MAST3: variants seen among roughly 807,000 people sequenced by gnomAD.
The protein encoded by MAST3 is microtubule-associated serine/threonine-protein kinase 3.
Under a neutral mutation model 127.0 loss-of-function variants are expected in MAST3, and 43 were observed. The observed-to-expected ratio is 0.34, with a 90% CI of 0.27 to 0.44. The LOEUF (loss-of-function observed/expected upper bound fraction) is 0.44. Among genes scored for constraint, MAST3 ranks in the 20% least tolerant of loss-of-function variants. The pLI is 1.00. For missense variants in MAST3, 1,390 were observed against 1,919.1 expected, an observed-to-expected ratio of 0.72 and a Z score of 5.15; for synonymous variants, 785 against 809.2, an observed-to-expected ratio of 0.97 and a Z score of 0.51.
intron 11 of MAST3, among the ~76,000 whole-genome samples, chr19:18,127,931 T>A (rs894558480): frequency 6.6e-6 from 1 of 152,162 alleles, no homozygotes; most frequent in Non-Finnish European, 1.5e-5. Context: ...CAGATAAGGC[T>A]GAGCAGGGAA....
intron 1 of MAST3, among the ~76,000 whole-genome samples, chr19:18,100,860 A>C (rs1319823067): frequency 6.6e-6 from 1 of 152,236 alleles, no homozygotes; most frequent in African/African-American, 2.4e-5. Flanking sequence ...CAAAGGCCAA[A>C]GAGTCCATTC....
chr19:18,139,333 T>G (rs1195892010), intron 20 of MAST3, among the ~76,000 whole-genome samples: 1 of 151,270 alleles, frequency 6.6e-6, no homozygotes, highest in Non-Finnish European at 1.5e-5. Context: ...TTTTTTGTTT[T>G]GTTTTGTTTG....
intron 11 of MAST3, 138 bp downstream of exon 11, chr19:18,124,912 C>T (rs2009030): frequency 0.51 from 528,989 of 1,033,706 alleles, 140,173 homozygotes; most frequent in East Asian, 0.66. Context: ...TCGAGACCAG[C>T]CTGGCCAACA....
chr19:18,107,429 C>T (rs970111140), intron 1 of MAST3, among the ~76,000 whole-genome samples, 158 bp from the exon 2 acceptor site: 2 of 151,896 alleles, frequency 1.3e-5, no homozygotes, highest in African/African-American at 4.8e-5. Context: ...GCACAGATAG[C>T]GCAAAGGCCT....
chr19:18,104,101 A>T (rs2037861884), intron 1 of MAST3, among the ~76,000 whole-genome samples: 2 of 142,410 alleles, frequency 1.4e-5, no homozygotes, highest in South Asian at 4.6e-4. Flanking sequence ...AATCCCAGCT[A>T]CTCTGGAGGC....
In MAST3 at chr19:18,123,818, C is replaced by G. The variant is rs184002383; in HGVS notation, c.634-121C>G. 3 of 1,075,760 alleles carry G rather than the reference C, an allele frequency of 2.8e-6. No homozygotes were observed. In the East Asian group the frequency reaches 7.8e-5, roughly 28 times the overall value. 66.6% of individuals were successfully genotyped at this position (1,075,760 alleles called of 1,614,324 possible). On this transcript the variant is annotated intron_variant, in intron 8 of 27. Transcript: ENST00000687212. ...ATGTCGTTCCTCCTGCACCAGCCCT[C>G]CCACCCGATCGCCCCATTGCCCCAT...
At chr19:18,128,068 G>T (rs1390681585) in intron 11 of MAST3, among the ~76,000 whole-genome samples, 2 of 152,126 alleles carry the variant, frequency 1.3e-5, no homozygotes, top group African/African-American at 4.8e-5. Context: ...CCTCCACCTG[G>T]GCTGCACCCT....
rs778191734 is a variant in MAST3 at position 18,134,810 on chromosome 19, G to T, written c.1705-7G>T. 5.6e-6 allele frequency: 9 copies of T among 1,613,856 alleles called. No homozygotes were observed. Among genetic ancestry groups the T allele is most frequent in the Non-Finnish European group, 7.6e-6 (9 of 1,179,904 alleles). The stretch of plus-strand genomic sequence containing the variant: ...TGGCCTCAGTTTCCCCGTTCTCCCT[G>T]GCCCAGGTGTGTGGGACGCCGGAGT... On this transcript the variant is annotated splice_region_variant and splice_polypyrimidine_tract_variant and intron_variant, in intron 16 of 27. Coordinates refer to ENST00000687212, the MANE Select transcript of MAST3 (RefSeq NM_001393504.1).
chr19:18,149,712 A>T lies in MAST3; in HGVS notation c.4030A>T (p.Thr1344Ser), dbSNP rs2043393331. 1 of 1,612,296 alleles carries T rather than the reference A, an allele frequency of 6.2e-7. No homozygotes were observed. Among genetic ancestry groups the T allele is most frequent in the Non-Finnish European group, 8.5e-7 (1 of 1,179,680 alleles). The change falls in exon 28 of 28, where the codon ACC becomes TCC. Residue 1344 changes from threonine (T) to serine (S), a missense_variant. By Grantham distance (58) the Thr-to-Ser change is moderately conservative (BLOSUM62 1). Around this residue, in one of 5 missense-constraint regions of MAST3, gnomAD observed 816 missense variants for 934.1 expected, o/e 0.87. Transcript: ENST00000687212. This position sits in a 1 kb window ranked among gnomAD's most constrained non-coding sequence, Gnocchi z 5.9. ...AGCCGTGCCAGTAGCTCTCGGGCCC[A>T]CCGGAAGAGACTGATCCCCTGCCAG... is the stretch of plus-strand genomic sequence containing the variant. ...EEAVPVALGP[T>S]GRD
intron 27 of MAST3, among the ~76,000 whole-genome samples, chr19:18,148,001 A>T (rs982897867): frequency 2.0e-5 from 3 of 151,004 alleles, no homozygotes; most frequent in Admixed American, 2.0e-4. Context: ...CAAAACATAA[A>T]AAAATTAGGT....
rs1055628763 is a variant in MAST3, at chr19:18,110,314, C to G, written c.72-338C>G. ...CCCGCCGCACAGAGGCGGCCTCTGC[C>G]TCGGCATGAAGTCCCGCAGGGACAA... is the stretch of plus-strand genomic sequence containing the variant. On this transcript the variant is annotated intron_variant, in intron 2 of 27. Transcript: ENST00000687212. This position sits in a 1 kb window ranked among gnomAD's most constrained non-coding sequence, Gnocchi z 4.3. 7.7e-5 allele frequency: 76 copies of G among 985,540 alleles called. 1 individual carries two copies. In the African/African-American group the frequency reaches 1.2e-3, roughly 16 times the overall value. 61.0% of individuals were successfully genotyped at this position (985,540 alleles called of 1,614,324 possible). A position where few individuals can be genotyped will look rare whatever the true frequency, so the allele number is the denominator to read the frequency against.
rs1295509993 is a variant in MAST3, at chr19:18,102,116, G to A, written c.39+4285G>A. ...AGGATGGTCTCCATCTGCTGACTTC[G>A]TGATCCTCCCACCTCGGCCTCTCAA... On this transcript the variant is annotated intron_variant, in intron 1 of 27. Transcript: ENST00000687212. 4.6e-5 allele frequency among the ~76,000 whole-genome samples: 7 copies of A among 151,846 alleles called. No homozygotes were observed. In the East Asian group the frequency reaches 1.2e-3, roughly 25 times the overall value.
At chr19:18,143,244 G>C (rs2042701648) in intron 21 of MAST3, among the ~76,000 whole-genome samples, 1 of 151,918 alleles carries the variant, frequency 6.6e-6, no homozygotes, top group African/African-American at 2.4e-5. Context: ...AATTATAGGT[G>C]TCAGCCACTG....
intron 20 of MAST3, among the ~76,000 whole-genome samples, chr19:18,141,148 T>G (rs1017341763): frequency 6.6e-6 from 1 of 152,146 alleles, no homozygotes; most frequent in Non-Finnish European, 1.5e-5. Flanking sequence ...ACTTTTTTTA[T>G]GATCTGATCA....
intron 15 of MAST3, 71 bp from the exon 16 acceptor site, chr19:18,134,508 G>C: frequency 6.6e-7 from 1 of 1,518,574 alleles, no homozygotes; most frequent in South Asian, 1.3e-5. Flanking sequence ...GCGGAGCCAA[G>C]GTCTAGGGCA....
intron 3 of MAST3, among the ~76,000 whole-genome samples, chr19:18,111,580 G>A (rs2038645782): frequency 1.5e-5 from 2 of 134,522 alleles, no homozygotes; most frequent in South Asian, 4.5e-4. Flanking sequence ...TGTCCCCTAG[G>A]CTGGAGTGCA....
rs201473760 is a variant in MAST3 at position 18,107,639 on chromosome 19, C to T, written c.71+21C>T. 6.8e-5 allele frequency: 110 copies of T among 1,610,130 alleles called. No homozygotes were observed. The Admixed American group carries it at 1.3e-3, about 20-fold the overall frequency. ...CGTGGGTGAGTTCACCTGGGACTGG[C>T]GGGCTGGGTGGGCCCCAGTGGTCTT... On this transcript the variant is annotated intron_variant, in intron 2 of 27. Transcript: ENST00000687212.
intron 1 of MAST3, among the ~76,000 whole-genome samples, chr19:18,100,461 T>C (rs914662930): frequency 6.6e-6 from 1 of 151,932 alleles, no homozygotes; most frequent in Non-Finnish European, 1.5e-5. Context: ...TTTGAGGCTA[T>C]AGTGAGCCAT....
rs1191218175 is a variant in MAST3, at chr19:18,134,615, G to A, written c.1608G>A (p.Thr536=). The change falls in exon 16 of 28, where the codon ACG becomes ACA. Residue 536 remains threonine, a synonymous_variant. Transcript: ENST00000687212. ...LITSLGHIKL[T]DFGLSKIGLM... ...CCTCGCTTGGCCACATCAAGCTCAC[G>A]GACTTCGGCCTGTCCAAGATCGGCC... 1.1e-5 allele frequency: 17 copies of A among 1,613,026 alleles called. No individual in the cohort carries two copies. Among genetic ancestry groups the A allele is most frequent in the African/African-American group, 1.3e-5 (1 of 75,026 alleles).
Sources: allele counts gnomAD v4.1 joint callset (sites outside exome capture counted in the v4.1 genomes callset), GRCh38; gene constraint gnomAD v4.1.1; regional missense constraint gnomAD v4.1.1; non-coding constraint Gnocchi (gnomAD v3.1); transcripts MANE v1.5; gene names NCBI Gene and HGNC (gene_info 2026-07-23, HGNC 2026-07-21).